The following QTRT2 variants were observed in gnomAD, a reference collection of about 807,000 sequenced individuals.
The protein encoded by QTRT2 is queuine tRNA-ribosyltransferase domain containing 1.
Under a neutral mutation model 44.8 loss-of-function variants are expected in QTRT2, and 32 were observed. The observed-to-expected ratio is 0.71, with a 90% CI of 0.54 to 0.96. The LOEUF (loss-of-function observed/expected upper bound fraction) is 0.96. QTRT2 is among the 40% of genes least tolerant of loss of function. The pLI, the probability that QTRT2 is intolerant of heterozygous loss-of-function variation, is 0.00. For synonymous variants in QTRT2, 182 were observed against 187.4 expected (o/e 0.97, Z 0.24); for missense variants, 461 against 503.1 (o/e 0.92, Z 0.80).
chr3:114,066,849 T>C (rs2107790264), intron 4 of QTRT2, among the ~76,000 whole-genome samples: 1 of 152,328 alleles, frequency 6.6e-6, no homozygotes, highest in East Asian at 1.9e-4. Context: ...CTCATCATGC[T>C]TGAACCTCAA....
At chr3:114,072,258 A>G (rs1415897836) in intron 6 of QTRT2, among the ~76,000 whole-genome samples, 2 of 151,900 alleles carry the variant, frequency 1.3e-5, no homozygotes, top group South Asian at 2.1e-4. Flanking sequence ...GGTTCAAGCA[A>G]TTCTCCTGCC....
At chr3:114,069,713 C>T (rs1175946203) in intron 5 of QTRT2, among the ~76,000 whole-genome samples, 2 of 152,150 alleles carry the variant, frequency 1.3e-5, no homozygotes, top group Non-Finnish European at 2.9e-5. Flanking sequence ...CATTTGCATG[C>T]ATGTGTCCTT....
At chr3:114,060,632 A>G (rs1390183836) in intron 2 of QTRT2, among the ~76,000 whole-genome samples, 3 of 152,358 alleles carry the variant, frequency 2.0e-5, no homozygotes, top group African/African-American at 4.8e-5. Flanking sequence ...TTTCCTATCT[A>G]TACATACCTA....
At chr3:114,075,570 G>A (rs563052136) in intron 6 of QTRT2, among the ~76,000 whole-genome samples, 6 of 147,080 alleles carry the variant, frequency 4.1e-5, no homozygotes, top group African/African-American at 5.1e-5. Flanking sequence ...GTGCAGTGGC[G>A]CAATCTCCAC....
chr3:114,076,201 C>G (rs554095243), intron 6 of QTRT2, among the ~76,000 whole-genome samples: 3 of 152,190 alleles, frequency 2.0e-5, no homozygotes, highest in African/African-American at 4.8e-5. Flanking sequence ...TGGTCTCACT[C>G]TCTTACCCTG....
chr3:114,069,007 C>T (rs921370591), intron 5 of QTRT2, among the ~76,000 whole-genome samples: 3 of 151,712 alleles, frequency 2.0e-5, no homozygotes, highest in Admixed American at 6.6e-5. Context: ...CAAAGTCGCA[C>T]CAGTGCATTG....
chr3:114,057,073 A>G lies in QTRT2; in HGVS notation c.-55A>G. 1 of 1,373,906 alleles carries G rather than the reference A, an allele frequency of 7.3e-7. No homozygotes were observed. Among genetic ancestry groups the G allele is most frequent in the Non-Finnish European group, 9.4e-7 (1 of 1,067,150 alleles). The allele number at this position is 1,373,906 out of a possible 1,614,324, so 85.1% of individuals were successfully genotyped here. ...TGAGCGTCGCCGACACCTCTGAGATAAAAGGGCCCCTTTCGACTAGCCTCT... is the reference window on the plus strand; with the variant it reads ...TGAGCGTCGCCGACACCTCTGAGATGAAAGGGCCCCTTTCGACTAGCCTCT... On this transcript the variant is annotated 5_prime_UTR_variant, in exon 2 of 10. It adds an upstream start codon to the 5' untranslated region. Coordinates refer to ENST00000281273, the MANE Select transcript of QTRT2 (RefSeq NM_024638.4).
intron 2 of QTRT2, among the ~76,000 whole-genome samples, chr3:114,058,273 A>C (rs552404451): frequency 6.6e-6 from 1 of 151,814 alleles, no homozygotes; most frequent in African/African-American, 2.4e-5. Context: ...TGTGTTTTCT[A>C]TTTCTTTTTT....
intron 8 of QTRT2, among the ~76,000 whole-genome samples, chr3:114,081,985 T>TTGCTGTGCAAAGAATGTTTCTTC (rs2077170918): frequency 6.6e-6 from 1 of 152,166 alleles, no homozygotes; most frequent in Non-Finnish European, 1.5e-5. Flanking sequence ...GGTGTTTCTT[T>TTGCTGTGCAAAGAATGTTTCTTC]TGCTGTGCAA....
At chr3:114,067,829 T>G (rs780991245) in intron 4 of QTRT2, among the ~76,000 whole-genome samples, 158 bp from the exon 5 acceptor site, 1 of 152,234 alleles carries the variant, frequency 6.6e-6, no homozygotes, top group Non-Finnish European at 1.5e-5. Flanking sequence ...TTTATACATA[T>G]TGATAGGCCT....
chr3:114,069,136 G>A (rs2107792666), intron 5 of QTRT2, among the ~76,000 whole-genome samples: 1 of 152,214 alleles, frequency 6.6e-6, no homozygotes, highest in South Asian at 2.1e-4. Flanking sequence ...TAATTCTGAT[G>A]CCTTAGTATA....
intron 7 of QTRT2, chr3:114,079,692 A>T (rs909449730): frequency 2.3e-6 from 1 of 435,188 alleles, no homozygotes; most frequent in Non-Finnish European, 4.2e-6. Context: ...CAGCAGATAC[A>T]TAAATGACAG....
chr3:114,078,715 G>T (rs923085617), intron 7 of QTRT2: 2 of 152,114 alleles, frequency 1.3e-5, no homozygotes, highest in African/African-American at 4.8e-5. Context: ...AGTACGTACT[G>T]GTTGGGCATC....
intron 7 of QTRT2, chr3:114,078,102 C>T (rs975180742): frequency 6.6e-6 from 1 of 152,220 alleles, no homozygotes; most frequent in Non-Finnish European, 1.5e-5. Context: ...AAACACTACC[C>T]AGAACAAGGT....
intron 6 of QTRT2, among the ~76,000 whole-genome samples, chr3:114,075,669 C>G (rs569001260): frequency 6.6e-6 from 1 of 151,880 alleles, no homozygotes; most frequent in Non-Finnish European, 1.5e-5. Flanking sequence ...CTGCCACACC[C>G]GGCTGATTTT....
In QTRT2 at chr3:114,086,242, A is replaced by G. The variant is rs1559966101; in HGVS notation, c.*338A>G. ...GGAGTGATGAGATTCTGAGGGACCC[A>G]TGAATTGGATTGAGGCTTGAGGGGA... On this transcript the variant is annotated 3_prime_UTR_variant, in exon 10 of 10. Transcript: ENST00000281273. 3 of 306,754 alleles carry G rather than the reference A, an allele frequency of 9.8e-6. No homozygotes were observed. 19.0% of individuals were successfully genotyped at this position (306,754 alleles called of 1,614,324 possible). A position where few individuals can be genotyped will look rare whatever the true frequency, so the allele number is the denominator to read the frequency against.
At chr3:114,061,446 C>T (rs9815037) in intron 2 of QTRT2, among the ~76,000 whole-genome samples, 16,387 of 152,180 alleles carry the variant, frequency 0.11, 1,009 homozygotes, top group African/African-American at 0.16. Flanking sequence ...GCCCTCCAAG[C>T]AGTACAAGAC....
At position 114,086,115 on chromosome 3, in the gene QTRT2, T is replaced by G; in HGVS notation, c.*211T>G. ...ATGACCTGGATTGATCAGAGAGAAT[T>G]GAACTGTGACCTTTAAGACTTCTAG... On this transcript the variant is annotated 3_prime_UTR_variant, in exon 10 of 10. Transcript: ENST00000281273. 1 of 533,316 alleles carries G rather than the reference T, an allele frequency of 1.9e-6. No individual in the cohort carries two copies. The highest frequency in any genetic ancestry group is 3.4e-6 in the Non-Finnish European group (1 of 296,636). The allele number at this position is 533,316 out of a possible 1,614,324, so 33.0% of individuals were successfully genotyped here. A position where few individuals can be genotyped will look rare whatever the true frequency, so the allele number is the denominator to read the frequency against.
In QTRT2 at chr3:114,065,324, A is replaced by G. The variant is rs775627843; in HGVS notation, c.67A>G (p.Thr23Ala). Residue 23 changes from threonine (T) to alanine (A), a missense_variant, in exon 3 of 10, where the codon ACA becomes GCA. By Grantham distance (58) the Thr-to-Ala change is moderately conservative. Coordinates refer to ENST00000281273, the MANE Select transcript of QTRT2 (RefSeq NM_024638.4). ...RLGKIKNLGK[T>A]GDHTMDIPGC... is the part of the protein sequence containing the mutation. ...AGGAAAAATAAAAAACCTGGGCAAA[A>G]CAGGGGACCACACCATGGATATTCC... 6.2e-7 allele frequency: 1 copy of G among 1,614,152 alleles called. No individual in the cohort carries two copies. Among genetic ancestry groups the G allele is most frequent in the Non-Finnish European group, 8.5e-7 (1 of 1,180,024 alleles).
Sources: gnomAD v4.1 joint callset for allele counts (sites outside exome capture counted in the v4.1 genomes callset) on GRCh38, gnomAD v4.1.1 for gene constraint, MANE v1.5 for transcripts, NCBI Gene and HGNC (gene_info 2026-07-23, HGNC 2026-07-21) for gene names.